NUP214: variants seen among roughly 807,000 people sequenced by gnomAD.
NUP214 encodes nuclear pore complex protein Nup214.
NUP214 carries 79 observed loss-of-function variants against 196.2 expected under a neutral mutation model. That is an observed-to-expected ratio of 0.40 (90% CI 0.34 to 0.49). The LOEUF is 0.49. Ranked by LOEUF, NUP214 falls within the 20% of genes least tolerant of loss-of-function variation. The probability of loss-of-function intolerance (pLI) is 0.58; values close to 1 mark genes in which losing one functional copy is unlikely to be tolerated. For missense variants in NUP214, 2,468 were observed against 2,539.0 expected, an observed-to-expected ratio of 0.97 and a Z score of 0.60; for synonymous variants, 1,020 against 990.5, an observed-to-expected ratio of 1.03 and a Z score of -0.56.
Position 131,197,709 on chromosome 9 carries a change from T to G in NUP214, c.4215T>G (p.Thr1405=), listed in dbSNP as rs1461947008. Residue 1405 remains threonine, a synonymous_variant, in exon 29 of 36, where the codon ACT becomes ACG. Transcript: ENST00000359428. ...TSVAPPAATS[T]SSTAVFGSLP... is the part of the protein sequence containing the mutation. ...TAGCACCACCAGCAGCCACCAGCAC[T>G]TCCTCAACTGCCGTTTTTGGCAGTC... 1 of 1,614,204 alleles carries G rather than the reference T, an allele frequency of 6.2e-7. No individual in the cohort carries two copies. The highest frequency in any genetic ancestry group is 1.3e-5 in the African/African-American group (1 of 75,042).
chr9:131,207,873 C>G (rs533790868), intron 30 of NUP214, among the ~76,000 whole-genome samples: 1 of 152,150 alleles, frequency 6.6e-6, no homozygotes, highest in East Asian at 1.9e-4. Flanking sequence ...GAGGACTTGC[C>G]AAAGACTGAG....
chr9:131,151,563 A>G (rs1321208086), intron 16 of NUP214, among the ~76,000 whole-genome samples, 173 bp from the exon 17 acceptor site: 1 of 152,260 alleles, frequency 6.6e-6, no homozygotes, highest in African/African-American at 2.4e-5. Flanking sequence ...AAATATAAAA[A>G]AAGAACATTA....
intron 16 of NUP214, among the ~76,000 whole-genome samples, chr9:131,151,095 T>C (rs1832246113): frequency 6.6e-6 from 1 of 152,250 alleles, no homozygotes; most frequent in Non-Finnish European, 1.5e-5. Context: ...ATTTGAAATT[T>C]TACTATCTCA....
intron 21 of NUP214, 103 bp downstream of exon 21, chr9:131,164,247 T>TGTGTATGTGTGTGTAA: frequency 1.1e-6 from 1 of 918,108 alleles, no homozygotes; most frequent in Non-Finnish European, 1.8e-6. Context: ...GCTAGGGTGC[T>TGTGTATGTGTGTGTAA]GTGTATGTGT....
In NUP214 at chr9:131,128,361, A is replaced by G. The variant is rs139667144; in HGVS notation, c.271A>G (p.Met91Val). 5.8e-5 allele frequency: 93 copies of G among 1,612,896 alleles called. No individual in the cohort carries two copies. Among genetic ancestry groups the G allele is most frequent in the Non-Finnish European group, 7.0e-5 (83 of 1,179,408 alleles). The change falls in exon 3 of 36, where the codon ATG (methionine) becomes GTG (valine). Residue 91 changes from methionine (M) to valine (V), a missense_variant. Coordinates refer to ENST00000359428, the MANE Select transcript of NUP214 (RefSeq NM_005085.4). ...VDKVQGLLVP[M>V]KFPIHHLALS... ...TAAAGTCCAAGGCTTGCTAGTTCCT[A>G]TGAAATTCCCAATCCATCACCTGGC...
rs1833821105 is a variant in NUP214, at chr9:131,197,498, C to T, written c.4004C>T (p.Ser1335Leu). The stretch of plus-strand genomic sequence containing the variant: ...GCTGGAGAGACTCTGGGAAGTTTTT[C>T]AGGACTGCGGGTTGGCCAAGCAGAT... ...SLAGETLGSF[S>L]GLRVGQADDS... Residue 1335 changes from serine to leucine, a missense_variant, in exon 29 of 36, where the codon TCA (serine) becomes TTA (leucine). Ser to Leu is a moderately radical substitution (Grantham distance 145). This residue lies in a region of NUP214 where 1,801 missense variants were observed against 1,779.4 expected (regional missense o/e 1.01). Coordinates refer to ENST00000359428, the MANE Select transcript of NUP214 (RefSeq NM_005085.4). 1 of 1,614,202 alleles carries T rather than the reference C, an allele frequency of 6.2e-7. No individual in the cohort carries two copies. Among genetic ancestry groups the T allele is most frequent in the Non-Finnish European group, 8.5e-7 (1 of 1,180,034 alleles).
At chr9:131,188,958 T>C (rs2274427) in intron 25 of NUP214, 95 bp from the exon 26 acceptor site, 603,009 of 895,936 alleles carry the variant, frequency 0.67, 204,299 homozygotes, top group Admixed American at 0.77. Flanking sequence ...TTGCTTATTT[T>C]AAATTATATT....
rs775522386 is a variant in NUP214, at chr9:131,125,592, A to G, written c.-113A>G. ...CAAAGCGCGCCGGAAATGCGAGGTCAACTGCGCGCCGCTGGCGCTGAGGGG... is the reference window on the plus strand; with the variant it reads ...CAAAGCGCGCCGGAAATGCGAGGTCGACTGCGCGCCGCTGGCGCTGAGGGG... On this transcript the variant is annotated 5_prime_UTR_variant, in exon 1 of 36. Transcript: ENST00000359428. The surrounding 1 kb of genome is among the most constrained non-coding windows in gnomAD (Gnocchi z 4.1). The G allele has an allele frequency of 1.1e-4, 170 of 1,548,052 alleles. No individual in the cohort carries two copies. The highest frequency in any genetic ancestry group is 1.4e-4 in the Non-Finnish European group (159 of 1,145,044).
intron 21 of NUP214, chr9:131,166,976 T>G (rs1360845988): frequency 6.6e-6 from 1 of 152,108 alleles, no homozygotes; most frequent in Non-Finnish European, 1.5e-5. Context: ...ACAAAGGTGC[T>G]CTCTTACACA....
chr9:131,144,728 T>C lies in NUP214; in HGVS notation c.1743T>C (p.Ser581=). ...AMKPSFPPST[S]AVKVNLSEKF... ...AGCCCTCCTTCCCACCCTCAACCTC[T>C]GCTGTCAAAGTCAACCTTAGTGAAA... The change falls in exon 12 of 36, where the codon TCT becomes TCC. Residue 581 remains serine (S), a synonymous_variant. Transcript: ENST00000359428. The C allele has an allele frequency of 1.2e-6, 2 of 1,609,324 alleles. No individual in the cohort carries two copies. Among genetic ancestry groups the C allele is most frequent in the African/African-American group, 2.7e-5 (2 of 74,870 alleles).
Position 131,233,450 on chromosome 9 carries a change from G to A in NUP214, c.6240-4G>A, listed in dbSNP as rs746774040. On this transcript the variant is annotated splice_region_variant and splice_polypyrimidine_tract_variant and intron_variant, in intron 35 of 35. Coordinates refer to ENST00000359428, the MANE Select transcript of NUP214 (RefSeq NM_005085.4). The stretch of plus-strand genomic sequence containing the variant: ...CTCCACCACTGTCCTGTGCTTCCTT[G>A]CAGGTCTGTCCAGGGTTTTGGTGGC... The A allele has an allele frequency of 6.2e-7, 1 of 1,610,380 alleles. No homozygotes were observed. Among genetic ancestry groups the A allele is most frequent in the Non-Finnish European group, 8.5e-7 (1 of 1,177,974 alleles).
intron 32 of NUP214, among the ~76,000 whole-genome samples, chr9:131,227,481 TAA>T (rs1019412346): frequency 7.1e-6 from 1 of 141,262 alleles, no homozygotes. Context: ...AAAAAGCATT[TAA>T]AAAAAAAAAA....
chr9:131,125,762 C>G lies in NUP214; in HGVS notation c.45+13C>G. On this transcript the variant is annotated intron_variant, in intron 1 of 35. Coordinates refer to ENST00000359428, the MANE Select transcript of NUP214 (RefSeq NM_005085.4). The surrounding 1 kb of genome is among the most constrained non-coding windows in gnomAD (Gnocchi z 4.1). The stretch of plus-strand genomic sequence containing the variant: ...GCGGGAGATGAAGGTCAGAGACTAA[C>G]CGGGGCCTCCCTCCCTTCTTTAGTC... 6.4e-7 allele frequency: 1 copy of G among 1,551,010 alleles called. No individual in the cohort carries two copies. The highest frequency in any genetic ancestry group is 8.7e-7 in the Non-Finnish European group (1 of 1,146,678).
chr9:131,163,979 T>C, intron 20 of NUP214, 24 bp downstream of exon 20: 1 of 1,612,872 alleles, frequency 6.2e-7, no homozygotes, highest in Non-Finnish European at 8.5e-7. Flanking sequence ...TCCCAGTCTT[T>C]TAACTCCCTT....
At chr9:131,168,125 C>A (rs1416227925) in intron 21 of NUP214, among the ~76,000 whole-genome samples, 2 of 152,152 alleles carry the variant, frequency 1.3e-5, no homozygotes, top group South Asian at 4.1e-4. Flanking sequence ...CCTGGCCTTA[C>A]GTGATCTTCC....
chr9:131,197,943 C>T lies in NUP214; in HGVS notation c.4449C>T (p.Pro1483=). 1 of 1,614,224 alleles carries T rather than the reference C, an allele frequency of 6.2e-7. No homozygotes were observed. Among genetic ancestry groups the T allele is most frequent in the Non-Finnish European group, 8.5e-7 (1 of 1,180,034 alleles). Residue 1483 remains proline (P), a synonymous_variant, in exon 29 of 36, where the codon CCC becomes CCT. Coordinates refer to ENST00000359428, the MANE Select transcript of NUP214 (RefSeq NM_005085.4). ...GCCTCCTGAGTTCAGCAACTACCCC[C>T]TCCCTGCCTATGTCCGCTGGCAGAA... ...FGSLLSSATT[P]SLPMSAGRST...
Position 131,198,123 on chromosome 9 carries a change from T to G in NUP214, c.4629T>G (p.Leu1543=), listed in dbSNP as rs1833844536. The G allele has an allele frequency of 6.2e-7, 1 of 1,614,230 alleles. No individual in the cohort carries two copies. Among genetic ancestry groups the G allele is most frequent in the African/African-American group, 1.3e-5 (1 of 75,064 alleles). ...ACTCTGTTAAAAAAGAACCTGTTCT[T>G]GCCCAGCCTGCAGTCAGCAACTCTG... ...TSDSVKKEPV[L]AQPAVSNSGT... The change falls in exon 29 of 36, where the codon CTT becomes CTG. Residue 1543 remains leucine (L), a synonymous_variant. Coordinates refer to ENST00000359428, the MANE Select transcript of NUP214 (RefSeq NM_005085.4).
At chr9:131,218,438 C>CTCTG (rs1491169872) in intron 31 of NUP214, among the ~76,000 whole-genome samples, 1 of 152,146 alleles carries the variant, frequency 6.6e-6, no homozygotes, top group Non-Finnish European at 1.5e-5. Context: ...CCTTAATTGA[C>CTCTG]TCTGCATCAT....
intron 30 of NUP214, among the ~76,000 whole-genome samples, chr9:131,208,267 C>T (rs1488112923): frequency 6.6e-6 from 1 of 152,314 alleles, no homozygotes; most frequent in Non-Finnish European, 1.5e-5. Flanking sequence ...CGAACAAATA[C>T]TTGTACATCA....
Sources: gnomAD v4.1 joint callset for allele counts (sites outside exome capture counted in the v4.1 genomes callset) on GRCh38, gnomAD v4.1.1 for gene constraint, gnomAD v4.1.1 regional missense constraint, Gnocchi (gnomAD v3.1) non-coding constraint, MANE v1.5 for transcripts, NCBI Gene and HGNC (gene_info 2026-07-23, HGNC 2026-07-21) for gene names.